The following ERO1A variants were observed in gnomAD, a reference collection of about 807,000 sequenced individuals.
ERO1A encodes the protein endoplasmic reticulum oxidoreductase 1 alpha, also known as ERO1-like protein alpha.
In ERO1A, 49 loss-of-function variants were observed where a neutral mutation model predicts 76.9. That is an observed-to-expected ratio of 0.64 (90% CI 0.51 to 0.81). The LOEUF (loss-of-function observed/expected upper bound fraction) is 0.81, where lower values mean the gene tolerates loss of function less well. Among genes scored for constraint, ERO1A ranks in the 30% least tolerant of loss-of-function variants. The probability of loss-of-function intolerance (pLI) is 0.00; values close to 1 mark genes in which losing one functional copy is unlikely to be tolerated. For synonymous variants in ERO1A, 174 were observed against 181.2 expected, an observed-to-expected ratio of 0.96 and a Z score of 0.32; for missense variants, 448 against 542.1, an observed-to-expected ratio of 0.83 and a Z score of 1.72.
rs186522817 is a variant in ERO1A, at chr14:52,675,394, A to C, written c.357+3040T>G. On this transcript the variant is annotated intron_variant, in intron 4 of 15. Coordinates refer to ENST00000395686, the MANE Select transcript of ERO1A (RefSeq NM_014584.3). Reference sequence around the variant, plus strand: ...GAGCAAAACTCCGTCTCAAAAAAAAAAAAGGTGGTGGAATCTAGGTTACGG... The same window carrying C: ...GAGCAAAACTCCGTCTCAAAAAAAACAAAGGTGGTGGAATCTAGGTTACGG... Among the ~76,000 whole-genome samples, 188 of 152,212 alleles carry C rather than the reference A, an allele frequency of 1.2e-3. 1 individual carries two copies. The highest frequency in any genetic ancestry group is 4.4e-3 in the African/African-American group (184 of 41,536).
In ERO1A at chr14:52,646,365, A is replaced by C. The variant is rs759943068; in HGVS notation, c.1212+10T>G. The C allele has an allele frequency of 1.9e-6, 3 of 1,608,478 alleles. No individual in the cohort carries two copies. Among genetic ancestry groups the C allele is most frequent in the Non-Finnish European group, 2.5e-6 (3 of 1,178,242 alleles). ...GTAAATGAGAAATAGGAATGACTAA[A>C]TTTGCTTACCTGAAGCTTTCCCCAC... On this transcript the variant is annotated intron_variant, in intron 14 of 15. Transcript: ENST00000395686.
In ERO1A at chr14:52,641,039, G is replaced by A. The variant is rs556337652; in HGVS notation, c.*2531C>T. ...GAATAACATTTAAGGAATAAATGAAGAGGCCAAAAGGTGGGGGGTGGTTCA... is the reference window on the plus strand; with the variant it reads ...GAATAACATTTAAGGAATAAATGAAAAGGCCAAAAGGTGGGGGGTGGTTCA... On this transcript the variant is annotated 3_prime_UTR_variant, in exon 16 of 16. Transcript: ENST00000395686. The A allele has an allele frequency of 1.3e-5, 2 of 152,250 alleles. No homozygotes were observed. The highest frequency in any genetic ancestry group is 4.1e-4 in the South Asian group (2 of 4,834). The allele number at this position is 152,250 out of a possible 1,614,324, so 9.4% of individuals were successfully genotyped here.
chr14:52,657,951 A>G lies in ERO1A; in HGVS notation c.774T>C (p.Ile258=), dbSNP rs776729316. 2.5e-6 allele frequency: 4 copies of G among 1,612,422 alleles called. No individual in the cohort carries two copies. In the South Asian group the frequency reaches 4.4e-5, roughly 18 times the overall value. ...YRLISGLHAS[I]NVHLSARYLL... ...GATATCTTGCACTCAAATGCACATT[A>G]ATGCTTGCATGTAGGCCAGATATAA... The change falls in exon 11 of 16, where the codon ATT becomes ATC. Residue 258 remains isoleucine (I), a synonymous_variant. Transcript: ENST00000395686.
At position 52,658,027 on chromosome 14, in the gene ERO1A, C is replaced by T; in HGVS notation, c.716-18G>A. ...ACAGAGACCTAAGAAAAAGCAGTGA[C>T]TTAGAAATAAAATTTCATATGTGAA... On this transcript the variant is annotated intron_variant, in intron 10 of 15. Transcript: ENST00000395686. The T allele has an allele frequency of 6.4e-7, 1 of 1,570,136 alleles. No individual in the cohort carries two copies. Among genetic ancestry groups the T allele is most frequent in the Non-Finnish European group, 8.7e-7 (1 of 1,147,256 alleles).
At chr14:52,693,842 A>T (rs2041443927) in intron 1 of ERO1A, among the ~76,000 whole-genome samples, 1 of 152,140 alleles carries the variant, frequency 6.6e-6, no homozygotes, top group Non-Finnish European at 1.5e-5. Context: ...AAACACAGAT[A>T]GCCACTCTCG....
At chr14:52,667,417 C>CA (rs914275421) in intron 6 of ERO1A, among the ~76,000 whole-genome samples, 9 of 152,012 alleles carry the variant, frequency 5.9e-5, no homozygotes, top group African/African-American at 1.7e-4. Flanking sequence ...AACTTCAAAA[C>CA]AAAAAAGATG....
intron 15 of ERO1A, among the ~76,000 whole-genome samples, chr14:52,645,933 G>A (rs1380620315): frequency 1.3e-5 from 2 of 152,172 alleles, no homozygotes; most frequent in Non-Finnish European, 2.9e-5. Context: ...CTACTTGGGA[G>A]GCTAAGTTGG....
intron 10 of ERO1A, 35 bp downstream of exon 10, chr14:52,658,089 C>T (rs3783453): frequency 0.11 from 166,056 of 1,498,916 alleles, 9,966 homozygotes; most frequent in South Asian, 0.18. Context: ...GAGAAAAAAA[C>T]CATCATTGAA....
At chr14:52,646,727 G>A in intron 13 of ERO1A, 1 of 296,238 alleles carries the variant, frequency 3.4e-6, no homozygotes, top group Non-Finnish European at 6.2e-6. Flanking sequence ...TAGGTAACTT[G>A]CCTAAATTCC....
chr14:52,673,790 T>G (rs1299687590), intron 4 of ERO1A, among the ~76,000 whole-genome samples: 1 of 152,250 alleles, frequency 6.6e-6, no homozygotes, highest in East Asian at 1.9e-4. Flanking sequence ...CAAGCTTAAG[T>G]GCAGTGGCAC....
intron 1 of ERO1A, among the ~76,000 whole-genome samples, chr14:52,692,228 G>C (rs2041377383): frequency 6.6e-6 from 1 of 152,080 alleles, no homozygotes; most frequent in Non-Finnish European, 1.5e-5. Flanking sequence ...TTCATTTTTT[G>C]ATCTCCCAAA....
chr14:52,659,637 GTTATTA>G (rs1050852939), intron 9 of ERO1A, among the ~76,000 whole-genome samples: 2 of 151,894 alleles, frequency 1.3e-5, no homozygotes, highest in East Asian at 3.9e-4. Context: ...CTGGCACAGA[GTTATTA>G]TTATTAATTA....
At chr14:52,673,240 C>T (rs2040669542) in intron 4 of ERO1A, among the ~76,000 whole-genome samples, 1 of 152,102 alleles carries the variant, frequency 6.6e-6, no homozygotes, top group South Asian at 2.1e-4. Flanking sequence ...CAGGTGCACA[C>T]TACCATGTAT....
intron 1 of ERO1A, among the ~76,000 whole-genome samples, chr14:52,690,549 T>C (rs902881295): frequency 1.3e-5 from 2 of 152,120 alleles, no homozygotes; most frequent in South Asian, 4.1e-4. Context: ...AAAATCAGCC[T>C]GGCCAACAGG....
At chr14:52,677,864 TAAAAAAAA>T (rs71267893) in intron 4 of ERO1A, among the ~76,000 whole-genome samples, 14 of 87,140 alleles carry the variant, frequency 1.6e-4, no homozygotes, top group Admixed American at 7.1e-4. Context: ...CCTTTTATCT[TAAAAAAAA>T]AAAAAAAAAA....
At position 52,643,508 on chromosome 14, in the gene ERO1A, G is replaced by A; in HGVS notation, c.*62C>T. On this transcript the variant is annotated 3_prime_UTR_variant, in exon 16 of 16. Coordinates refer to ENST00000395686, the MANE Select transcript of ERO1A (RefSeq NM_014584.3). ...AGACTGTCATTGCTATTATGCCTTTGAATGAAATTCCACTCTTTCGCCTCC... is the reference window on the plus strand; with the variant it reads ...AGACTGTCATTGCTATTATGCCTTTAAATGAAATTCCACTCTTTCGCCTCC... 3 of 1,138,526 alleles carry A rather than the reference G, an allele frequency of 2.6e-6. No individual in the cohort carries two copies. Among genetic ancestry groups the A allele is most frequent in the Non-Finnish European group, 3.7e-6 (3 of 820,432 alleles). 70.5% of individuals were successfully genotyped at this position (1,138,526 alleles called of 1,614,324 possible).
At chr14:52,643,724 A>C in intron 15 of ERO1A, 94 bp from the exon 16 acceptor site, 1 of 662,614 alleles carries the variant, frequency 1.5e-6, no homozygotes, top group Non-Finnish European at 2.5e-6. Flanking sequence ...TTTTAAAGTA[A>C]TTTATTTCAA....
chr14:52,691,306 A>T (rs1025456034), intron 1 of ERO1A, among the ~76,000 whole-genome samples: 1 of 152,224 alleles, frequency 6.6e-6, no homozygotes, highest in African/African-American at 2.4e-5. Context: ...GCACCATCCT[A>T]AGGACCTAGA....
At chr14:52,667,239 A>G (rs1469849244) in intron 6 of ERO1A, among the ~76,000 whole-genome samples, 1 of 152,216 alleles carries the variant, frequency 6.6e-6, no homozygotes, top group Non-Finnish European at 1.5e-5. Context: ...GCCAAAAGCA[A>G]AAGTTACAAT....
Sources: allele counts gnomAD v4.1 joint callset (sites outside exome capture counted in the v4.1 genomes callset), GRCh38; gene constraint gnomAD v4.1.1; transcripts MANE v1.5; gene names NCBI Gene and HGNC (gene_info 2026-07-23, HGNC 2026-07-21).